Variants in AATK observed in about 807,000 individuals in gnomAD.
The protein encoded by AATK is lemur tail kinase 1.
AATK carries 91 observed loss-of-function variants against 114.3 expected under a neutral mutation model. The observed-to-expected ratio is 0.80, with a 90% CI of 0.67 to 0.95. The LOEUF is 0.95. AATK is among the 40% of genes least tolerant of loss of function. AATK has a pLI of 0.00. For missense variants in AATK, 2,176 were observed against 1,965.2 expected (o/e 1.11, Z -2.03); for synonymous variants, 1,075 against 916.5 (o/e 1.17, Z -3.12).
intron 1 of AATK, among the ~76,000 whole-genome samples, chr17:81,151,411 G>GC (rs939310307): frequency 1.5e-4 from 9 of 60,158 alleles, no homozygotes; most frequent in African/African-American, 3.7e-4. Context: ...GGCTCCTGGG[G>GC]CTGGGGGGAC....
At chr17:81,159,259 C>T (rs554478001) in intron 1 of AATK, among the ~76,000 whole-genome samples, 4 of 152,334 alleles carry the variant, frequency 2.6e-5, no homozygotes, top group South Asian at 2.1e-4. Flanking sequence ...TAGCAGCCCA[C>T]GGGACAGCCC....
rs1165641835 is a variant in AATK at position 81,122,387 on chromosome 17, G to C, written c.1549C>G (p.Pro517Ala). ...GACGGGCTGTGCGCGCTGAGCACCG[G>C]AACCACGCCCGGGGGCGCGCCGTCG... ...APDGAPPGVV[P>A]VLSAHSPSLG... is the part of the protein sequence containing the mutation. Residue 517 changes from proline to alanine, a missense_variant, in exon 11 of 14, where the codon CCG (proline) becomes GCG (alanine). Coordinates refer to ENST00000326724, the MANE Select transcript of AATK (RefSeq NM_001080395.3). 6.7e-7 allele frequency: 1 copy of C among 1,487,310 alleles called. No individual in the cohort carries two copies. Among genetic ancestry groups the C allele is most frequent in the African/African-American group, 1.5e-5 (1 of 68,354 alleles). 92.1% of individuals were successfully genotyped at this position (1,487,310 alleles called of 1,614,324 possible). A position where few individuals can be genotyped will look rare whatever the true frequency, so the allele number is the denominator to read the frequency against.
At chr17:81,150,381 A>G (rs1010026653) in intron 1 of AATK, among the ~76,000 whole-genome samples, 43 of 25,086 alleles carry the variant, frequency 1.7e-3, no homozygotes, top group African/African-American at 7.9e-3. Context: ...GGACTCCCCC[A>G]TCCTAGTGCT....
At chr17:81,148,309 C>T (rs998827158) in intron 1 of AATK, among the ~76,000 whole-genome samples, 2 of 152,228 alleles carry the variant, frequency 1.3e-5, no homozygotes, top group Admixed American at 1.3e-4. Context: ...GGCCACCTGC[C>T]CTGGGGTCTC....
intron 1 of AATK, among the ~76,000 whole-genome samples, chr17:81,148,991 C>T (rs2061260145): frequency 6.6e-6 from 1 of 152,162 alleles, no homozygotes; most frequent in Admixed American, 6.5e-5. Flanking sequence ...GTGGAGGTGC[C>T]TTGGCCAGGC....
At chr17:81,160,269 C>T (rs1182799296) in intron 1 of AATK, 1 of 985,176 alleles carries the variant, frequency 1.0e-6, no homozygotes, top group Non-Finnish European at 1.2e-6. Flanking sequence ...GTGGCTCTGA[C>T]CGTGGCTGTA....
Position 81,121,210 on chromosome 17 carries a change from G to GGGATGTCCA in AATK, c.2717_2725dup (p.Leu906_Ile908dup), listed in dbSNP as rs759319242. 4.4e-6 allele frequency: 7 copies of GGGATGTCCA among 1,604,248 alleles called. No homozygotes were observed. The highest frequency in any genetic ancestry group is 2.7e-5 in the African/African-American group (2 of 74,738). On this transcript the variant is annotated inframe_insertion, in exon 11 of 14. Transcript: ENST00000326724. ...ATAGCCACCATCACTGGCTGAGGAC[G>GGGATGTCCA]GGATGTCCAGGGAGTCCAGGGAGTC...
rs1343528129 is a variant in AATK at position 81,120,880 on chromosome 17, C to T, written c.3056G>A (p.Arg1019Gln). 1.1e-5 allele frequency: 17 copies of T among 1,577,752 alleles called. No homozygotes were observed. Among genetic ancestry groups the T allele is most frequent in the Middle Eastern group, 1.7e-4 (1 of 6,032 alleles). The change falls in exon 11 of 14, where the codon CGA (arginine) becomes CAA (glutamine). Residue 1019 changes from arginine (R) to glutamine (Q), a missense_variant. Physicochemically the swap from Arg to Gln is conservative, Grantham distance 43 (BLOSUM62 1). Coordinates refer to ENST00000326724, the MANE Select transcript of AATK (RefSeq NM_001080395.3). Reference sequence around the variant, plus strand: ...CAGGCCCAGCTCTGGCCCGGGGGCTCGGTCCCCGCCGCACTTCTTCTCTGG... The same window carrying T: ...CAGGCCCAGCTCTGGCCCGGGGGCTTGGTCCCCGCCGCACTTCTTCTCTGG... ...SGPEKKCGGD[R>Q]APGPELGLPS...
rs1031039979 is a variant in AATK, at chr17:81,129,237, G to A, written c.335-688C>T. Among the ~76,000 whole-genome samples the A allele has an allele frequency of 1.7e-4, 26 of 152,342 alleles. No individual in the cohort carries two copies. In the Middle Eastern group the frequency reaches 0.01, roughly 60 times the overall value. On this transcript the variant is annotated intron_variant, in intron 3 of 13. Transcript: ENST00000326724. Reference sequence around the variant, plus strand: ...CTGCCAGGAGAGCCCAGGGGGAGGGGGCTCCTTCCAGGGCCTGGAGACCCA... The same window carrying A: ...CTGCCAGGAGAGCCCAGGGGGAGGGAGCTCCTTCCAGGGCCTGGAGACCCA...
Position 81,120,655 on chromosome 17 carries a change from C to T in AATK, c.3281G>A (p.Ser1094Asn). ...CAGGAAAAACTGGGAGCAGCTGGGGCTGGGCCCAGGCCGCACCTTGGCTGG... is the reference window on the plus strand; with the variant it reads ...CAGGAAAAACTGGGAGCAGCTGGGGTTGGGCCCAGGCCGCACCTTGGCTGG... ...QGPAKVRPGP[S>N]PSCSQFFLLT... Residue 1094 changes from serine (S) to asparagine (N), a missense_variant, in exon 11 of 14, where the codon AGC becomes AAC. Transcript: ENST00000326724. 6.6e-7 allele frequency: 1 copy of T among 1,526,328 alleles called. No individual in the cohort carries two copies. The highest frequency in any genetic ancestry group is 8.8e-7 in the Non-Finnish European group (1 of 1,141,220). The allele number at this position is 1,526,328 out of a possible 1,614,324, so 94.5% of individuals were successfully genotyped here.
intron 3 of AATK, among the ~76,000 whole-genome samples, chr17:81,130,590 A>G (rs985835695): frequency 2.0e-5 from 3 of 152,092 alleles, no homozygotes; most frequent in Non-Finnish European, 4.4e-5. Context: ...GCCATGCACA[A>G]TGGAACCCGT....
In AATK at chr17:81,122,842, G is replaced by T. The variant is rs1211899150; in HGVS notation, c.1113-19C>A. 2 of 1,464,054 alleles carry T rather than the reference G, an allele frequency of 1.4e-6. No homozygotes were observed. Among genetic ancestry groups the T allele is most frequent in the East Asian group, 5.5e-5 (2 of 36,290 alleles). 90.7% of individuals were successfully genotyped at this position (1,464,054 alleles called of 1,614,324 possible). A position where few individuals can be genotyped will look rare whatever the true frequency, so the allele number is the denominator to read the frequency against. On this transcript the variant is annotated intron_variant, in intron 10 of 13. Transcript: ENST00000326724. Reference sequence around the variant, plus strand: ...CTCGTACCTGCGAGGAGGTCCCCCGGGGGCCACGTCAGAGGCAACGCTGGC... The same window carrying T: ...CTCGTACCTGCGAGGAGGTCCCCCGTGGGCCACGTCAGAGGCAACGCTGGC...
At chr17:81,136,610 T>A (rs139203643) in intron 1 of AATK, among the ~76,000 whole-genome samples, 1 of 152,128 alleles carries the variant, frequency 6.6e-6, no homozygotes, top group Non-Finnish European at 1.5e-5. Context: ...TGCTGTGAGT[T>A]CCCCCTCCCC....
In AATK at chr17:81,120,576, G is replaced by A; in HGVS notation, c.3360C>T (p.Pro1120=). The A allele has an allele frequency of 2.6e-6, 4 of 1,531,768 alleles. No homozygotes were observed. The highest frequency in any genetic ancestry group is 2.6e-6 in the Non-Finnish European group (3 of 1,142,276). 94.9% of individuals were successfully genotyped at this position (1,531,768 alleles called of 1,614,324 possible). ...SEGNSSEFQG[P]PGLLSGPAPQ... is the part of the protein sequence containing the mutation. ...GGGCCGGCCCTGACAACAGTCCTGGGGGCCCCTGGAACTCAGAGCTGTTGC... is the reference window on the plus strand; with the variant it reads ...GGGCCGGCCCTGACAACAGTCCTGGAGGCCCCTGGAACTCAGAGCTGTTGC... Residue 1120 remains proline (P), a synonymous_variant, in exon 11 of 14, where the codon CCC becomes CCT. Coordinates refer to ENST00000326724, the MANE Select transcript of AATK (RefSeq NM_001080395.3).
chr17:81,149,452 A>G (rs976156943), intron 1 of AATK, among the ~76,000 whole-genome samples: 3 of 149,766 alleles, frequency 2.0e-5, no homozygotes, highest in African/African-American at 7.4e-5. Context: ...AGGAAACCCA[A>G]CCTCCAATCC....
At chr17:81,145,822 A>G (rs1399233591) in intron 1 of AATK, among the ~76,000 whole-genome samples, 1 of 152,048 alleles carries the variant, frequency 6.6e-6, no homozygotes, top group Non-Finnish European at 1.5e-5. Flanking sequence ...TACAGAAAAT[A>G]TGTCGAAGAG....
At chr17:81,119,666 GCCTC>G in intron 12 of AATK, 86 bp from the exon 13 acceptor site, 1 of 610,390 alleles carries the variant, frequency 1.6e-6, no homozygotes, top group Non-Finnish European at 2.2e-6. Context: ...CCCAGGCCCC[GCCTC>G]CCATCATGTC....
chr17:81,126,050 A>T lies in AATK; in HGVS notation c.755+377T>A. Reference sequence around the variant, plus strand: ...CCCCAGGGGCTGGGCATCCTGGCCCAAGCAGGACAGAACCCTCCCTCCAGG... The same window carrying T: ...CCCCAGGGGCTGGGCATCCTGGCCCTAGCAGGACAGAACCCTCCCTCCAGG... On this transcript the variant is annotated intron_variant, in intron 7 of 13. Transcript: ENST00000326724. This position sits in a 1 kb window ranked among gnomAD's most constrained non-coding sequence, Gnocchi z 5.1. The T allele has an allele frequency of 2.1e-6, 1 of 483,054 alleles. No homozygotes were observed. Among genetic ancestry groups the T allele is most frequent in the East Asian group, 6.4e-5 (1 of 15,614 alleles). 29.9% of individuals were successfully genotyped at this position (483,054 alleles called of 1,614,324 possible).
At chr17:81,162,863 C>T (rs560898329) in intron 1 of AATK, among the ~76,000 whole-genome samples, 12 of 152,234 alleles carry the variant, frequency 7.9e-5, no homozygotes, top group African/African-American at 2.2e-4. Context: ...CAGGCTGCCA[C>T]GTGTTCCGAG....
Sources: gnomAD v4.1 joint callset for allele counts (sites outside exome capture counted in the v4.1 genomes callset) on GRCh38, gnomAD v4.1.1 for gene constraint, Gnocchi (gnomAD v3.1) non-coding constraint, MANE v1.5 for transcripts, NCBI Gene and HGNC (gene_info 2026-07-23, HGNC 2026-07-21) for gene names.